Variants in TAX1BP1 observed in about 807,000 individuals in gnomAD.
The protein encoded by TAX1BP1 is tax1-binding protein 1.
A neutral mutation model predicts 97.7 loss-of-function variants in TAX1BP1; 62 were observed. The observed-to-expected ratio is 0.63, with a 90% CI of 0.52 to 0.78. The LOEUF (loss-of-function observed/expected upper bound fraction) is 0.78. TAX1BP1 is among the 30% of genes least tolerant of loss of function. The pLI is 0.00. For synonymous variants in TAX1BP1, 340 were observed against 304.2 expected, an observed-to-expected ratio of 1.12 and a Z score of -1.23; for missense variants, 867 against 916.1, an observed-to-expected ratio of 0.95 and a Z score of 0.69.
chr7:27,799,311 T>C (rs1790047550), intron 12 of TAX1BP1, among the ~76,000 whole-genome samples: 1 of 152,226 alleles, frequency 6.6e-6, no homozygotes, highest in Non-Finnish European at 1.5e-5. Context: ...CCAAATGGAA[T>C]TGGCCTAATT....
Position 27,767,936 on chromosome 7 carries a change from C to A in TAX1BP1, c.454-1740C>A, listed in dbSNP as rs544511834. Reference sequence around the variant, plus strand: ...ATTAAAATCTTTATCTAAAACTGCACAAAATTATTACAAATGTGAGACATT... The same window carrying A: ...ATTAAAATCTTTATCTAAAACTGCAAAAAATTATTACAAATGTGAGACATT... On this transcript the variant is annotated intron_variant, in intron 4 of 16. Coordinates refer to ENST00000396319, the MANE Select transcript of TAX1BP1 (RefSeq NM_006024.7). Among the ~76,000 whole-genome samples the A allele has an allele frequency of 9.2e-4, 139 of 151,890 alleles. 1 individual carries two copies. Among genetic ancestry groups the A allele is most frequent in the Admixed American group, 2.2e-3 (34 of 15,266 alleles).
intron 15 of TAX1BP1, 43 bp from the exon 16 acceptor site, chr7:27,827,695 G>T: frequency 6.7e-7 from 1 of 1,502,738 alleles, no homozygotes; most frequent in South Asian, 1.1e-5. Flanking sequence ...ATTTATATTT[G>T]GTTTTACTTT....
At chr7:27,757,811 T>G (rs543367455) in intron 2 of TAX1BP1, among the ~76,000 whole-genome samples, 1 of 152,246 alleles carries the variant, frequency 6.6e-6, no homozygotes, top group South Asian at 2.1e-4. Flanking sequence ...TGCATTTTAA[T>G]ATAGTAGAAA....
chr7:27,817,457 CCACTTTAGATT>C (rs986091710), intron 15 of TAX1BP1, among the ~76,000 whole-genome samples: 1 of 152,004 alleles, frequency 6.6e-6, no homozygotes, highest in Non-Finnish European at 1.5e-5. Context: ...CATTTATATC[CCACTTTAGATT>C]TTAGTGTGGA....
At chr7:27,744,270 C>T (rs1337930578) in intron 1 of TAX1BP1, among the ~76,000 whole-genome samples, 4 of 152,122 alleles carry the variant, frequency 2.6e-5, no homozygotes, top group Non-Finnish European at 4.4e-5. Context: ...GGACTACAGG[C>T]GCCTGCCACC....
rs1790199966 is a variant in TAX1BP1, at chr7:27,803,095, C to A, written c.1764+3005C>A. The A allele has an allele frequency of 2.6e-6, 4 of 1,537,984 alleles. No individual in the cohort carries two copies. In the African/African-American group the frequency reaches 4.1e-5, roughly 16 times the overall value. On this transcript the variant is annotated intron_variant, in intron 13 of 16. Transcript: ENST00000396319. ...TAAATGAAAAAAAATAAAGAAATTT[C>A]TTTCTTTATTCAGCTTCAATTGGCA...
chr7:27,791,933 T>C, intron 8 of TAX1BP1, 73 bp from the exon 9 acceptor site: 1 of 1,453,360 alleles, frequency 6.9e-7, no homozygotes, highest in Non-Finnish European at 9.5e-7. Context: ...TTGAAATATG[T>C]GCGAAAATTG....
At chr7:27,810,062 C>G (rs958314135) in intron 13 of TAX1BP1, among the ~76,000 whole-genome samples, 1 of 151,998 alleles carries the variant, frequency 6.6e-6, no homozygotes, top group African/African-American at 2.4e-5. Flanking sequence ...TGTGTGCCAC[C>G]ACGCCTGGCT....
At chr7:27,752,106 G>A (rs1205940210) in intron 2 of TAX1BP1, among the ~76,000 whole-genome samples, 3 of 152,206 alleles carry the variant, frequency 2.0e-5, no homozygotes, top group East Asian at 1.9e-4. Context: ...ATTGGAATTC[G>A]AAAGGAATGG....
In TAX1BP1 at chr7:27,785,492, A is replaced by C. The variant is rs1171022717; in HGVS notation, c.852+3A>C. 6.2e-7 allele frequency: 1 copy of C among 1,603,348 alleles called. No individual in the cohort carries two copies. The highest frequency in any genetic ancestry group is 1.1e-5 in the South Asian group (1 of 88,994). The stretch of plus-strand genomic sequence containing the variant: ...AGGATGAAAAGGAACTTTATAAGGT[A>C]ATTTATTTTTTACCATATCTATTGC... On this transcript the variant is annotated splice_donor_region_variant and intron_variant, in intron 7 of 16. Coordinates refer to ENST00000396319, the MANE Select transcript of TAX1BP1 (RefSeq NM_006024.7).
Position 27,765,898 on chromosome 7 carries a change from A to G in TAX1BP1, c.330A>G (p.Glu110=). 6.2e-7 allele frequency: 1 copy of G among 1,614,150 alleles called. No homozygotes were observed. Among genetic ancestry groups the G allele is most frequent in the East Asian group, 2.2e-5 (1 of 44,886 alleles). Residue 110 remains glutamate, a synonymous_variant, in exon 4 of 17, where the codon GAA becomes GAG. Coordinates refer to ENST00000396319, the MANE Select transcript of TAX1BP1 (RefSeq NM_006024.7). ...YQFCYVTHKG[E]IRGASTPFQF... The stretch of plus-strand genomic sequence containing the variant: ...TCTGTTACGTTACCCATAAGGGTGA[A>G]ATTCGTGGAGCAAGTACACCTTTCC...
chr7:27,808,539 C>G (rs1454628068), intron 13 of TAX1BP1, among the ~76,000 whole-genome samples: 1 of 152,046 alleles, frequency 6.6e-6, no homozygotes, highest in Non-Finnish European at 1.5e-5. Context: ...CTATGGTGTA[C>G]TCTCCGCGCT....
chr7:27,794,166 A>G (rs1436627898), intron 10 of TAX1BP1, among the ~76,000 whole-genome samples, 157 bp from the exon 11 acceptor site: 3 of 152,182 alleles, frequency 2.0e-5, no homozygotes, highest in African/African-American at 7.2e-5. Flanking sequence ...GATGTGTATA[A>G]CTTTAGTCTT....
At chr7:27,765,784 G>T (rs1788607322) in intron 3 of TAX1BP1, 50 bp from the exon 4 acceptor site, 1 of 1,489,592 alleles carries the variant, frequency 6.7e-7, no homozygotes, top group Admixed American at 1.7e-5. Context: ...GAAATAACAT[G>T]AATTTTATAA....
chr7:27,802,125 G>T (rs1790162171), intron 13 of TAX1BP1, among the ~76,000 whole-genome samples: 3 of 152,208 alleles, frequency 2.0e-5, no homozygotes, highest in African/African-American at 7.2e-5. Flanking sequence ...ATCTATAATG[G>T]AGTAGCTTAG....
chr7:27,769,912 TTAAG>T (rs1788782284), intron 5 of TAX1BP1, 78 bp downstream of exon 5: 3 of 1,420,068 alleles, frequency 2.1e-6, no homozygotes, highest in East Asian at 4.6e-5. Context: ...GCTGAACCAA[TTAAG>T]TAAGTGAAAA....
intron 3 of TAX1BP1, among the ~76,000 whole-genome samples, chr7:27,763,453 A>G (rs1175076565): frequency 6.6e-6 from 1 of 152,006 alleles, no homozygotes; most frequent in Non-Finnish European, 1.5e-5. Context: ...TATTTTAGTG[A>G]AGTTTTTGTT....
At chr7:27,757,961 C>T in intron 2 of TAX1BP1, 70 bp from the exon 3 acceptor site, 2 of 825,546 alleles carry the variant, frequency 2.4e-6, no homozygotes, top group Non-Finnish European at 3.9e-6. Flanking sequence ...AATAAATAAA[C>T]AGTATGCTGT....
chr7:27,793,028 A>G lies in TAX1BP1; in HGVS notation c.1264-38A>G, dbSNP rs774068905. ...TACTATTAACATTAGGAGGTATCAG[A>G]TTTTTATTTTTTTCTTCAAATGTTT... On this transcript the variant is annotated intron_variant, in intron 9 of 16. Transcript: ENST00000396319. 1.7e-5 allele frequency: 27 copies of G among 1,556,474 alleles called. No individual in the cohort carries two copies. The East Asian group carries it at 5.8e-4, about 33-fold the overall frequency.
Sources: allele counts gnomAD v4.1 joint callset (sites outside exome capture counted in the v4.1 genomes callset), GRCh38; gene constraint gnomAD v4.1.1; transcripts MANE v1.5; gene names NCBI Gene and HGNC (gene_info 2026-07-23, HGNC 2026-07-21).